Variants in ANKRD16 observed in about 807,000 individuals in gnomAD.
The protein encoded by ANKRD16 is ankyrin repeat domain-containing protein 16.
ANKRD16 carries 35 observed loss-of-function variants against 37.9 expected under a neutral mutation model. The ratio of observed to expected loss-of-function variants is 0.92; its 90% CI spans 0.71 to 1.23. ANKRD16 has a LOEUF of 1.23. Among genes scored for constraint, ANKRD16 ranks in the 50% most tolerant of loss-of-function variants. The pLI is 0.00. For missense variants in ANKRD16, 480 were observed against 469.9 expected (o/e 1.02, Z -0.20); for synonymous variants, 206 against 197.2 (o/e 1.04, Z -0.37).
At position 5,869,102 on chromosome 10, in the gene ANKRD16, A is replaced by G. The variant is rs1297022659; in HGVS notation, c.*34-6411T>C. On this transcript the variant is annotated intron_variant, in intron 7 of 7. Coordinates refer to ENST00000380094, the MANE Select transcript of ANKRD16 (RefSeq NM_019046.3). The surrounding 1 kb of genome is among the most constrained non-coding windows in gnomAD (Gnocchi z 4.0). ...TTTTTTTTTTTAAAGCTCATCAGCT[A>G]TCTTTAGTGATAGTGTAGTTTATGT... 1.3e-5 allele frequency among the ~76,000 whole-genome samples: 2 copies of G among 152,028 alleles called. No individual in the cohort carries two copies. Among genetic ancestry groups the G allele is most frequent in the Admixed American group, 1.3e-4 (2 of 15,256 alleles).
intron 2 of ANKRD16, 27 bp from the exon 3 acceptor site, chr10:5,885,792 T>C: frequency 1.3e-6 from 2 of 1,593,412 alleles, no homozygotes; most frequent in Non-Finnish European, 8.5e-7. Flanking sequence ...AGCTGAGAAT[T>C]AGAGCTTTTT....
In ANKRD16 at chr10:5,874,995, C is replaced by T. The variant is rs1420976851; in HGVS notation, c.*33+3102G>A. ...GAAGGGGTAGTGATCAGTAAGTGAA[C>T]TGAAAGGGTCAGTAATCTAAGGGCT... is the stretch of plus-strand genomic sequence containing the variant. On this transcript the variant is annotated intron_variant, in intron 7 of 7. Transcript: ENST00000380094. The surrounding 1 kb of genome is among the most constrained non-coding windows in gnomAD (Gnocchi z 4.7). 1.3e-5 allele frequency among the ~76,000 whole-genome samples: 2 copies of T among 152,102 alleles called. No homozygotes were observed. Among genetic ancestry groups the T allele is most frequent in the African/African-American group, 4.8e-5 (2 of 41,384 alleles).
At chr10:5,885,581 A>G in intron 3 of ANKRD16, 142 bp downstream of exon 3, 3 of 764,386 alleles carry the variant, frequency 3.9e-6, no homozygotes, top group Non-Finnish European at 2.1e-6. Context: ...CATATTCTTT[A>G]TCTGCTATGT....
In ANKRD16 at chr10:5,865,886, T is replaced by G. The variant is rs1477132298; in HGVS notation, c.*34-3195A>C. Among the ~76,000 whole-genome samples, 1 of 152,094 alleles carries G rather than the reference T, an allele frequency of 6.6e-6. No individual in the cohort carries two copies. ...ACAGGACAAAACTTCTCTTTATACA[T>G]CACAGAGAGAGCAGAAATAGCTCTT... On this transcript the variant is annotated intron_variant, in intron 7 of 7. Coordinates refer to ENST00000380094, the MANE Select transcript of ANKRD16 (RefSeq NM_019046.3). The surrounding 1 kb of genome is among the most constrained non-coding windows in gnomAD (Gnocchi z 4.7).
chr10:5,872,978 G>A (rs1314802061), intron 7 of ANKRD16, among the ~76,000 whole-genome samples: 1 of 149,772 alleles, frequency 6.7e-6, no homozygotes, highest in Admixed American at 6.7e-5. Flanking sequence ...CTATGCCTCA[G>A]CCTTCCAAGC....
rs1227120888 is a variant in ANKRD16, at chr10:5,865,151, T to G, written c.*34-2460A>C. Among the ~76,000 whole-genome samples the G allele has an allele frequency of 6.6e-6, 1 of 152,088 alleles. No homozygotes were observed. The highest frequency in any genetic ancestry group is 1.5e-5 in the Non-Finnish European group (1 of 68,012). On this transcript the variant is annotated intron_variant, in intron 7 of 7. Transcript: ENST00000380094. The surrounding 1 kb of genome is among the most constrained non-coding windows in gnomAD (Gnocchi z 4.7). ...CCCTCAGACAAACCAACCTTGGTGG[T>G]TCAGAGAGCACAGAAAATGGAGCAG...
chr10:5,878,324 A>C lies in ANKRD16; in HGVS notation c.929-37T>G. The C allele has an allele frequency of 1.3e-6, 2 of 1,593,976 alleles. No homozygotes were observed. The highest frequency in any genetic ancestry group is 1.7e-6 in the Non-Finnish European group (2 of 1,168,514). ...CAAAAATCACATGGACTTAAAACAC[A>C]ATCCCTGGAGCAATACTGACCTCAT... On this transcript the variant is annotated intron_variant, in intron 6 of 7. Transcript: ENST00000380094. The surrounding 1 kb of genome is among the most constrained non-coding windows in gnomAD (Gnocchi z 5.1).
At position 5,866,854 on chromosome 10, in the gene ANKRD16, G is replaced by C. The variant is rs1420035187; in HGVS notation, c.*34-4163C>G. On this transcript the variant is annotated intron_variant, in intron 7 of 7. Coordinates refer to ENST00000380094, the MANE Select transcript of ANKRD16 (RefSeq NM_019046.3). This position sits in a 1 kb window ranked among gnomAD's most constrained non-coding sequence, Gnocchi z 4.3. Reference sequence around the variant, plus strand: ...GACAGAGAGAGGAAGAGACAGAGAGGCTGAAAGTCAAAGAGAGAAGGAGAG... The same window carrying C: ...GACAGAGAGAGGAAGAGACAGAGAGCCTGAAAGTCAAAGAGAGAAGGAGAG... Among the ~76,000 whole-genome samples the C allele has an allele frequency of 6.6e-6, 1 of 151,750 alleles. No homozygotes were observed. Among genetic ancestry groups the C allele is most frequent in the African/African-American group, 2.4e-5 (1 of 41,274 alleles).
Position 5,871,175 on chromosome 10 carries a change from T to C in ANKRD16, c.*33+6922A>G, listed in dbSNP as rs1187749141. 6.6e-6 allele frequency among the ~76,000 whole-genome samples: 1 copy of C among 151,988 alleles called. No homozygotes were observed. Among genetic ancestry groups the C allele is most frequent in the Non-Finnish European group, 1.5e-5 (1 of 68,004 alleles). ...GCCAAGGTGGGCGGATCACCTGAGG[T>C]TGGGAGTTCGAGACCAGCCTGACCA... On this transcript the variant is annotated intron_variant, in intron 7 of 7. Coordinates refer to ENST00000380094, the MANE Select transcript of ANKRD16 (RefSeq NM_019046.3). This position sits in a 1 kb window ranked among gnomAD's most constrained non-coding sequence, Gnocchi z 4.5.
rs1405411882 is a variant in ANKRD16 at position 5,865,852 on chromosome 10, A to T, written c.*34-3161T>A. ...GGAACAAACTCAAGCTCCAGCCTTA[A>T]GCCTTCCCACAGGACAAAACTTCTC... On this transcript the variant is annotated intron_variant, in intron 7 of 7. Coordinates refer to ENST00000380094, the MANE Select transcript of ANKRD16 (RefSeq NM_019046.3). This position sits in a 1 kb window ranked among gnomAD's most constrained non-coding sequence, Gnocchi z 4.7. 1.3e-5 allele frequency among the ~76,000 whole-genome samples: 2 copies of T among 152,198 alleles called. No individual in the cohort carries two copies. Among genetic ancestry groups the T allele is most frequent in the African/African-American group, 4.8e-5 (2 of 41,448 alleles).
chr10:5,868,645 G>A lies in ANKRD16; in HGVS notation c.*34-5954C>T, dbSNP rs1054112744. On this transcript the variant is annotated intron_variant, in intron 7 of 7. Coordinates refer to ENST00000380094, the MANE Select transcript of ANKRD16 (RefSeq NM_019046.3). This position sits in a 1 kb window ranked among gnomAD's most constrained non-coding sequence, Gnocchi z 4.9. ...AAGCTGGCCACCCCCAGCCAGCAGCGGCAACCCACTCGGGTCCCCTTCCAC... is the reference window on the plus strand; with the variant it reads ...AAGCTGGCCACCCCCAGCCAGCAGCAGCAACCCACTCGGGTCCCCTTCCAC... Among the ~76,000 whole-genome samples, 7 of 152,140 alleles carry A rather than the reference G, an allele frequency of 4.6e-5. No individual in the cohort carries two copies. Among genetic ancestry groups the A allele is most frequent in the Non-Finnish European group, 7.4e-5 (5 of 68,024 alleles).
At chr10:5,888,560 G>A (rs1842497255) in intron 1 of ANKRD16, among the ~76,000 whole-genome samples, 1 of 152,220 alleles carries the variant, frequency 6.6e-6, no homozygotes, top group African/African-American at 2.4e-5. Flanking sequence ...CTCTGACTGT[G>A]GTGGTTATGC....
chr10:5,885,403 C>T (rs1489673513), intron 3 of ANKRD16, among the ~76,000 whole-genome samples: 2 of 151,946 alleles, frequency 1.3e-5, no homozygotes, highest in African/African-American at 2.4e-5. Flanking sequence ...AGGATGGTCT[C>T]GATCTTCTGA....
Position 5,868,954 on chromosome 10 carries a change from A to G in ANKRD16, c.*34-6263T>C, listed in dbSNP as rs1170481350. 6.6e-6 allele frequency among the ~76,000 whole-genome samples: 1 copy of G among 152,222 alleles called. No homozygotes were observed. The highest frequency in any genetic ancestry group is 2.4e-5 in the African/African-American group (1 of 41,442). ...TCTGGACACAATACCACAAAAAGAC[A>G]AAGAAAGCAAAGGTGCGGGAAGAAA... On this transcript the variant is annotated intron_variant, in intron 7 of 7. Coordinates refer to ENST00000380094, the MANE Select transcript of ANKRD16 (RefSeq NM_019046.3). The surrounding 1 kb of genome is among the most constrained non-coding windows in gnomAD (Gnocchi z 4.9).
In ANKRD16 at chr10:5,861,964, C is replaced by G. The variant is rs1329796455; in HGVS notation, c.*761G>C. ...TTGCCCAGGCTGGAGTGCAGTGGCG[C>G]ATATTCGGCTCACTGCAAGCTCTGC... On this transcript the variant is annotated 3_prime_UTR_variant, in exon 8 of 8. Transcript: ENST00000380094. The G allele has an allele frequency of 2.0e-5, 3 of 149,370 alleles. No homozygotes were observed. The Admixed American group carries it at 2.0e-4, about 10-fold the overall frequency. The allele number at this position is 149,370 out of a possible 1,614,324, so 9.3% of individuals were successfully genotyped here. A position where few individuals can be genotyped will look rare whatever the true frequency, so the allele number is the denominator to read the frequency against.
Position 5,865,787 on chromosome 10 carries a change from GC to G in ANKRD16, c.*34-3097del, listed in dbSNP as rs1842005486. ...ACGAGTTACTGATTTGTTGTCCCCT[GC>G]TTGAGGAGGGAATCAACCCTGAAGT... On this transcript the variant is annotated intron_variant, in intron 7 of 7. Transcript: ENST00000380094. This position sits in a 1 kb window ranked among gnomAD's most constrained non-coding sequence, Gnocchi z 4.7. Among the ~76,000 whole-genome samples the G allele has an allele frequency of 6.6e-6, 1 of 152,172 alleles. No homozygotes were observed. Among genetic ancestry groups the G allele is most frequent in the South Asian group, 2.1e-4 (1 of 4,828 alleles).
rs759066765 is a variant in ANKRD16, at chr10:5,889,170, A to G, written c.185T>C (p.Met62Thr). Reference protein sequence around the residue: ...VLAYLAEAWGMDIEATNRDYK... With the variant: ...VLAYLAEAWGTDIEATNRDYK... ...GTCTCGGTTGGTGGCCTCGATGTCC[A>G]TGCCCCAGGCCTCGGCCAGATAGGC... is the stretch of plus-strand genomic sequence containing the variant. The change falls in exon 1 of 8, where the codon ATG (methionine) becomes ACG (threonine). Residue 62 changes from methionine to threonine, a missense_variant. Met to Thr is a moderately conservative substitution (Grantham distance 81, BLOSUM62 -1). Transcript: ENST00000380094. 1.4e-5 allele frequency: 22 copies of G among 1,598,148 alleles called. No individual in the cohort carries two copies. The highest frequency in any genetic ancestry group is 3.3e-4 in the Middle Eastern group (2 of 6,038).
chr10:5,884,910 G>A (rs1842391720), intron 3 of ANKRD16, among the ~76,000 whole-genome samples: 1 of 152,138 alleles, frequency 6.6e-6, no homozygotes, highest in Admixed American at 6.6e-5. Context: ...GTCTGGAATG[G>A]TCCCTTGCCT....
At chr10:5,887,096 G>T (rs1019956718) in intron 2 of ANKRD16, among the ~76,000 whole-genome samples, 14 of 152,182 alleles carry the variant, frequency 9.2e-5, no homozygotes, top group South Asian at 2.1e-4. Context: ...GCCAAGCATT[G>T]TCTAAAGGAT....
Sources: allele counts gnomAD v4.1 joint callset (sites outside exome capture counted in the v4.1 genomes callset), GRCh38; gene constraint gnomAD v4.1.1; non-coding constraint Gnocchi (gnomAD v3.1); transcripts MANE v1.5; gene names NCBI Gene and HGNC (gene_info 2026-07-23, HGNC 2026-07-21).